The following HPSE2 variants were observed in gnomAD, a reference collection of about 807,000 sequenced individuals.
The protein encoded by HPSE2 is heparanase 2 (inactive).
HPSE2 carries 38 observed loss-of-function variants against 60.5 expected under a neutral mutation model. The observed-to-expected ratio is 0.63, with a 90% CI of 0.48 to 0.82. HPSE2 has a LOEUF of 0.82. Ranked by LOEUF, HPSE2 falls within the 40% of genes least tolerant of loss-of-function variation. HPSE2 has a pLI of 0.00. For missense variants in HPSE2, 713 were observed against 740.4 expected (o/e 0.96, Z 0.43); for synonymous variants, 295 against 293.2 (o/e 1.01, Z -0.06).
intron 2 of HPSE2, among the ~76,000 whole-genome samples, chr10:99,213,386 C>T (rs1564898589): frequency 6.6e-6 from 1 of 152,066 alleles, no homozygotes; most frequent in Non-Finnish European, 1.5e-5. Flanking sequence ...TTATAGAGAC[C>T]ACCTCTGGCC....
intron 3 of HPSE2, among the ~76,000 whole-genome samples, chr10:99,024,904 C>T (rs1454006543): frequency 6.6e-6 from 1 of 152,076 alleles, no homozygotes; most frequent in Non-Finnish European, 1.5e-5. Flanking sequence ...GCCTATCCTA[C>T]AAGAAATGCT....
chr10:98,682,721 G>A (rs929475819), intron 6 of HPSE2, among the ~76,000 whole-genome samples: 17 of 152,154 alleles, frequency 1.1e-4, no homozygotes, highest in African/African-American at 3.9e-4. Context: ...GTGTCAAGCC[G>A]TTGTAAGTTG....
At chr10:98,586,426 C>T (rs1383985627) in intron 9 of HPSE2, among the ~76,000 whole-genome samples, 1 of 152,194 alleles carries the variant, frequency 6.6e-6, no homozygotes, top group African/African-American at 2.4e-5. Flanking sequence ...ATTACACCTT[C>T]TACATCCATT....
chr10:98,619,380 C>T (rs1315731209), intron 8 of HPSE2, among the ~76,000 whole-genome samples: 2 of 152,160 alleles, frequency 1.3e-5, no homozygotes, highest in Admixed American at 6.5e-5. Context: ...ATTCTCCAGA[C>T]GACTGTAGTA....
intron 3 of HPSE2, among the ~76,000 whole-genome samples, chr10:99,087,670 G>A (rs1055516809): frequency 2.6e-5 from 4 of 152,144 alleles, no homozygotes; most frequent in Admixed American, 2.6e-4. Flanking sequence ...TTCATGTCCT[G>A]TAAGTCCCTG....
At chr10:98,463,657 T>C (rs543768841) in intron 11 of HPSE2, among the ~76,000 whole-genome samples, 1 of 150,266 alleles carries the variant, frequency 6.7e-6, no homozygotes, top group African/African-American at 2.5e-5. Flanking sequence ...TAAACAAAAT[T>C]AGATGGGTGT....
intron 3 of HPSE2, among the ~76,000 whole-genome samples, chr10:98,940,547 T>C (rs368884565): frequency 1.5e-3 from 212 of 137,812 alleles, no homozygotes; most frequent in African/African-American, 3.8e-3. Flanking sequence ...AAGTTGAATC[T>C]CTGAATAGAC....
intron 3 of HPSE2, among the ~76,000 whole-genome samples, chr10:99,118,428 C>G (rs1361253816): frequency 6.8e-6 from 1 of 147,934 alleles, no homozygotes; most frequent in African/African-American, 2.5e-5. Flanking sequence ...GAGGCTGAGG[C>G]AGGAGAATGG....
intron 2 of HPSE2, among the ~76,000 whole-genome samples, chr10:99,169,347 T>C (rs570417314): frequency 6.7e-6 from 1 of 149,216 alleles, no homozygotes; most frequent in Non-Finnish European, 1.5e-5. Flanking sequence ...CTACTAAAAA[T>C]AGAAAAAATT....
chr10:98,587,623 T>C (rs1244699126), intron 9 of HPSE2, among the ~76,000 whole-genome samples: 2 of 152,164 alleles, frequency 1.3e-5, no homozygotes, highest in East Asian at 3.9e-4. Context: ...TTGAGTACAA[T>C]TCCTCCTCTT....
intron 2 of HPSE2, among the ~76,000 whole-genome samples, chr10:99,214,664 G>T (rs991432924): frequency 6.6e-6 from 1 of 151,948 alleles, no homozygotes; most frequent in East Asian, 1.9e-4. Context: ...GCAACCTACC[G>T]TATGGGGGAA....
At chr10:99,175,128 A>C (rs1483964796) in intron 2 of HPSE2, among the ~76,000 whole-genome samples, 2 of 152,212 alleles carry the variant, frequency 1.3e-5, no homozygotes, top group Non-Finnish European at 2.9e-5. Context: ...ACAGACCAGG[A>C]GGTACCCTCA....
chr10:99,133,077 T>G (rs1211988929), intron 3 of HPSE2, among the ~76,000 whole-genome samples: 1 of 152,182 alleles, frequency 6.6e-6, no homozygotes, highest in Admixed American at 6.5e-5. Flanking sequence ...CTACCATTGT[T>G]GAAGCTTGAG....
intron 9 of HPSE2, among the ~76,000 whole-genome samples, chr10:98,524,491 C>T (rs976100336): frequency 6.6e-6 from 1 of 152,184 alleles, no homozygotes; most frequent in African/African-American, 2.4e-5. Context: ...TTCTAAGTAA[C>T]ACAAACAACC....
intron 2 of HPSE2, among the ~76,000 whole-genome samples, chr10:99,161,123 A>C (rs1219462008): frequency 6.6e-6 from 1 of 151,520 alleles, no homozygotes; most frequent in Non-Finnish European, 1.5e-5. Flanking sequence ...CAGGAAGCTG[A>C]GGCAGGAAGA....
At chr10:99,132,718 G>A (rs1404613452) in intron 3 of HPSE2, among the ~76,000 whole-genome samples, 1 of 152,142 alleles carries the variant, frequency 6.6e-6, no homozygotes, top group Non-Finnish European at 1.5e-5. Flanking sequence ...CACTGCATTT[G>A]TCCCACGGTT....
At chr10:98,776,981 T>C (rs1251200551) in intron 3 of HPSE2, among the ~76,000 whole-genome samples, 1 of 152,134 alleles carries the variant, frequency 6.6e-6, no homozygotes, top group Non-Finnish European at 1.5e-5. Flanking sequence ...GAAAACAAAT[T>C]TGGTAAAATG....
At chr10:98,677,947 T>C (rs1420925179) in intron 6 of HPSE2, among the ~76,000 whole-genome samples, 3 of 152,218 alleles carry the variant, frequency 2.0e-5, no homozygotes, top group East Asian at 3.8e-4. Flanking sequence ...GGATAATTCA[T>C]AGCTGCTCTT....
chr10:99,277,550 C>T, the HPSE2 span, among the ~76,000 whole-genome samples: 31 of 152,236 alleles, frequency 2.0e-4, 1 homozygote, highest in East Asian at 6.0e-3. Context: ...GTGAGAGCTC[C>T]ATGAGCCCTT....
Sources: gnomAD v4.1 joint callset for allele counts (sites outside exome capture counted in the v4.1 genomes callset) on GRCh38, gnomAD v4.1.1 for gene constraint, MANE v1.5 for transcripts, NCBI Gene and HGNC (gene_info 2026-07-23, HGNC 2026-07-21) for gene names.